Variants in DGKK observed in about 807,000 individuals in gnomAD.
DGKK encodes 142 kDa diacylglycerol kinase.
Under a neutral mutation model 92.2 loss-of-function variants are expected in DGKK, and 35 were observed. The ratio of observed to expected loss-of-function variants is 0.38; its 90% CI spans 0.29 to 0.50. The LOEUF is 0.50. Among genes scored for constraint, DGKK ranks in the 20% least tolerant of loss-of-function variants. The pLI is 0.92. For synonymous variants in DGKK, 368 were observed against 360.6 expected, an observed-to-expected ratio of 1.02 and a Z score of -0.23; for missense variants, 910 against 992.2, an observed-to-expected ratio of 0.92 and a Z score of 1.11.
chrX:50,417,840 T>C (rs1053474203), intron 4 of DGKK, among the ~76,000 whole-genome samples: 7 of 111,057 alleles, frequency 6.3e-5, no homozygotes, highest in African/African-American at 2.3e-4. Context: ...AGGCTTTACT[T>C]TGAACACATT....
At chrX:50,370,285 T>C (rs1924085733) in intron 27 of DGKK, 141 bp downstream of exon 27, 1 of 732,968 alleles carries the variant, frequency 1.4e-6, no homozygotes, top group Admixed American at 3.8e-5. Flanking sequence ...TTGGTATCAC[T>C]TACTGCTGAC....
intron 4 of DGKK, among the ~76,000 whole-genome samples, chrX:50,419,188 G>A (rs1925510341): frequency 9.0e-6 from 1 of 111,576 alleles, no homozygotes; most frequent in African/African-American, 3.3e-5. Context: ...CAAATGCTAA[G>A]CCAAGGATCT....
chrX:50,466,261 A>T (rs1345786681), intron 1 of DGKK, among the ~76,000 whole-genome samples: 4 of 110,638 alleles, frequency 3.6e-5, no homozygotes, highest in African/African-American at 1.3e-4. Context: ...GAGGGGGGAA[A>T]AACTGAAGAG....
intron 4 of DGKK, among the ~76,000 whole-genome samples, chrX:50,409,741 AC>A (rs781789991): frequency 3.6e-5 from 4 of 111,409 alleles, no homozygotes; most frequent in Non-Finnish European, 5.7e-5. Flanking sequence ...ATGCTTGTGT[AC>A]CCCCTTCATA....
At chrX:50,384,894 G>A (rs1924508184) in intron 15 of DGKK, 70 bp from the exon 16 acceptor site, 1 of 767,611 alleles carries the variant, frequency 1.3e-6, no homozygotes, top group Non-Finnish European at 1.9e-6. Context: ...AAAGGAGGGA[G>A]GGAGGATGGA....
chrX:50,446,206 A>G (rs1321045683), intron 1 of DGKK, among the ~76,000 whole-genome samples: 4 of 110,866 alleles, frequency 3.6e-5, no homozygotes, highest in Non-Finnish European at 7.6e-5. Context: ...TTTTCTAGAT[A>G]TAGAATCATG....
chrX:50,421,575 T>C, intron 3 of DGKK, among the ~76,000 whole-genome samples: 1 of 111,638 alleles, frequency 9.0e-6, no homozygotes, highest in East Asian at 2.8e-4. Context: ...ACCAAAAACA[T>C]TACCCTATAG....
chrX:50,401,782 C>G (rs1237445789), intron 7 of DGKK, among the ~76,000 whole-genome samples: 2 of 110,912 alleles, frequency 1.8e-5, no homozygotes, highest in East Asian at 5.6e-4. Context: ...CCAGAGTCTT[C>G]TAAGAAGAAG....
At chrX:50,411,483 C>A (rs1196398227) in intron 4 of DGKK, among the ~76,000 whole-genome samples, 1 of 111,357 alleles carries the variant, frequency 9.0e-6, no homozygotes, top group Non-Finnish European at 1.9e-5. Flanking sequence ...CTCAGTGATG[C>A]AGAAAAAGCA....
chrX:50,394,911 G>A (rs138960822), intron 8 of DGKK, among the ~76,000 whole-genome samples: 160 of 111,190 alleles, frequency 1.4e-3, no homozygotes, highest in African/African-American at 5.0e-3. Flanking sequence ...AGCAATGCAG[G>A]GAAGAGTGTT....
chrX:50,412,522 AG>A (rs1296979000), intron 4 of DGKK, among the ~76,000 whole-genome samples: 2 of 112,238 alleles, frequency 1.8e-5, no homozygotes, highest in African/African-American at 6.5e-5. Flanking sequence ...GAACCACAAA[AG>A]ACCCTGAATA....
intron 17 of DGKK, 87 bp downstream of exon 17, chrX:50,384,081 A>C: frequency 1.8e-6 from 1 of 561,882 alleles, no homozygotes; most frequent in East Asian, 4.9e-5. Context: ...AAGTAAGAGA[A>C]AGGATTTGAC....
At chrX:50,371,565 G>C (rs1210723431) in intron 26 of DGKK, among the ~76,000 whole-genome samples, 159 bp downstream of exon 26, 2 of 111,578 alleles carry the variant, frequency 1.8e-5, no homozygotes, top group Non-Finnish European at 3.8e-5. Flanking sequence ...GAAGAGATTG[G>C]GGGGAGGTGG....
chrX:50,412,019 G>A (rs1355656907), intron 4 of DGKK, among the ~76,000 whole-genome samples: 2 of 111,184 alleles, frequency 1.8e-5, no homozygotes, highest in African/African-American at 6.6e-5. Flanking sequence ...ATGCTTTCTT[G>A]TTGAGCATCC....
chrX:50,385,307 C>T (rs1406969381), intron 15 of DGKK, among the ~76,000 whole-genome samples: 1 of 111,761 alleles, frequency 8.9e-6, no homozygotes, highest in African/African-American at 3.3e-5. Flanking sequence ...AGTCTCTTTC[C>T]TTTCACCAGC....
chrX:50,438,333 G>A (rs1164744622), intron 1 of DGKK, among the ~76,000 whole-genome samples: 7 of 111,602 alleles, frequency 6.3e-5, no homozygotes, highest in African/African-American at 2.3e-4. Flanking sequence ...GTATACATTA[G>A]TGCTAACAGT....
intron 7 of DGKK, among the ~76,000 whole-genome samples, chrX:50,402,569 C>T (rs782176013): frequency 1.5e-4 from 17 of 111,871 alleles, no homozygotes; most frequent in African/African-American, 4.9e-4. Flanking sequence ...CCTCACCTTC[C>T]TCATCTGTAA....
chrX:50,398,630 C>G (rs1258587087), intron 8 of DGKK, among the ~76,000 whole-genome samples: 2 of 111,890 alleles, frequency 1.8e-5, no homozygotes, highest in African/African-American at 6.5e-5. Flanking sequence ...CATTATTTGA[C>G]AAGCTATAAC....
intron 8 of DGKK, among the ~76,000 whole-genome samples, chrX:50,399,567 A>G (rs1468281068): frequency 8.9e-6 from 1 of 112,181 alleles, no homozygotes; most frequent in Non-Finnish European, 1.9e-5. Context: ...AATATAGATT[A>G]AAACATTCCA....
Sources: gnomAD v4.1 joint callset for allele counts (sites outside exome capture counted in the v4.1 genomes callset) on GRCh38, gnomAD v4.1.1 for gene constraint, MANE v1.5 for transcripts, NCBI Gene and HGNC (gene_info 2026-07-23, HGNC 2026-07-21) for gene names.